CDH12: variants seen among roughly 807,000 people sequenced by gnomAD.
CDH12 encodes cadherin 12, also known as cadherin-12.
Under a neutral mutation model 74.1 loss-of-function variants are expected in CDH12, and 41 were observed. That is an observed-to-expected ratio of 0.55 (90% confidence interval 0.43 to 0.72). The LOEUF (loss-of-function observed/expected upper bound fraction) is 0.72. Among genes scored for constraint, CDH12 ranks in the 30% least tolerant of loss-of-function variants. CDH12 has a pLI of 0.00. For missense variants in CDH12, 945 were observed against 977.2 expected (o/e 0.97, Z 0.44); for synonymous variants, 399 against 355.0 (o/e 1.12, Z -1.39).
At chr5:22,002,138 TCTATA>T (rs1438824106) in intron 5 of CDH12, among the ~76,000 whole-genome samples, 3 of 152,180 alleles carry the variant, frequency 2.0e-5, no homozygotes, top group African/African-American at 4.8e-5. Flanking sequence ...TTTAGTTTGC[TCTATA>T]CTAGTCAGTA....
chr5:22,694,504 T>G (rs78317201), intron 1 of CDH12, among the ~76,000 whole-genome samples: 4,919 of 152,230 alleles, frequency 0.032, 267 homozygotes, highest in East Asian at 0.15. Context: ...AATACTCTAT[T>G]GTTTTTCTAT....
chr5:21,809,724 A>G (rs1747643138), intron 9 of CDH12, among the ~76,000 whole-genome samples: 1 of 152,168 alleles, frequency 6.6e-6, no homozygotes, highest in African/African-American at 2.4e-5. Flanking sequence ...GTCGACAACA[A>G]TTTTAAACAT....
At chr5:22,653,916 A>AATAT (rs1473378828) in intron 1 of CDH12, among the ~76,000 whole-genome samples, 1 of 152,190 alleles carries the variant, frequency 6.6e-6, no homozygotes, top group Non-Finnish European at 1.5e-5. Flanking sequence ...TCATCTACTA[A>AATAT]ATACATACAT....
chr5:22,447,135 ATTC>A (rs2126553727), intron 2 of CDH12, among the ~76,000 whole-genome samples: 1 of 152,266 alleles, frequency 6.6e-6, no homozygotes, highest in Admixed American at 6.5e-5. Flanking sequence ...AAGATGAGTC[ATTC>A]TTCTTGTATA....
chr5:22,835,304 C>T (rs965594157), intron 1 of CDH12, among the ~76,000 whole-genome samples: 1 of 152,056 alleles, frequency 6.6e-6, no homozygotes. Flanking sequence ...AAATGAAAAA[C>T]AGTCACATTA....
At chr5:21,944,574 A>G (rs1243560559) in intron 6 of CDH12, among the ~76,000 whole-genome samples, 1 of 152,146 alleles carries the variant, frequency 6.6e-6, no homozygotes, top group Non-Finnish European at 1.5e-5. Context: ...TGTGGTGATT[A>G]ATTGGTGTGG....
chr5:22,072,838 C>T (rs1004904819), intron 5 of CDH12, among the ~76,000 whole-genome samples: 6 of 151,876 alleles, frequency 4.0e-5, no homozygotes, highest in South Asian at 2.1e-4. Context: ...TGATTGTTAG[C>T]ACTTAAGAGC....
At chr5:22,122,672 G>A (rs1745595253) in intron 4 of CDH12, among the ~76,000 whole-genome samples, 1 of 152,200 alleles carries the variant, frequency 6.6e-6, no homozygotes, top group Admixed American at 6.5e-5. Context: ...GGTATTTGTG[G>A]ATGAGATTAA....
chr5:22,077,356 G>T (rs2150224151), intron 5 of CDH12, among the ~76,000 whole-genome samples: 1 of 152,118 alleles, frequency 6.6e-6, no homozygotes, highest in South Asian at 2.1e-4. Context: ...GATCTTAAAT[G>T]AATATTCCTC....
intron 3 of CDH12, among the ~76,000 whole-genome samples, chr5:22,288,759 A>T (rs770457526): frequency 6.6e-6 from 1 of 152,224 alleles, no homozygotes; most frequent in Non-Finnish European, 1.5e-5. Context: ...CCTGAAAGAA[A>T]TTAAACAAGT....
intron 3 of CDH12, among the ~76,000 whole-genome samples, chr5:22,283,275 C>CAT (rs1256456723): frequency 3.7e-5 from 5 of 133,700 alleles, no homozygotes; most frequent in Non-Finnish European, 7.6e-5. Flanking sequence ...CACACACACA[C>CAT]ATATACACAC....
intron 1 of CDH12, among the ~76,000 whole-genome samples, chr5:22,548,769 G>T (rs1738439815): frequency 1.3e-5 from 2 of 151,880 alleles, no homozygotes; most frequent in South Asian, 2.1e-4. Flanking sequence ...ATCTTAGAAG[G>T]TTGCCAGTGG....
intron 6 of CDH12, among the ~76,000 whole-genome samples, chr5:21,940,257 T>C (rs1327662378): frequency 6.6e-6 from 1 of 151,972 alleles, no homozygotes; most frequent in Non-Finnish European, 1.5e-5. Flanking sequence ...GAAATAAATA[T>C]GATGATATGA....
rs138136338 is a variant in CDH12, at chr5:22,232,935, C to T, written c.-332-20292G>A. Among the ~76,000 whole-genome samples the T allele has an allele frequency of 7.3e-3, 1,066 of 146,732 alleles. 7 individuals carry two copies. Among genetic ancestry groups the T allele is most frequent in the Middle Eastern group, 0.015 (4 of 272 alleles). On this transcript the variant is annotated intron_variant, in intron 3 of 14. Coordinates refer to ENST00000382254, the MANE Select transcript of CDH12 (RefSeq NM_004061.5). The stretch of plus-strand genomic sequence containing the variant: ...TCTCTCTCATTGGATTGCTTTTGTG[C>T]CTTTGTAGAGAATCGAATAACCATA...
At chr5:21,878,760 A>AAAAG in intron 6 of CDH12, among the ~76,000 whole-genome samples, 1 of 143,602 alleles carries the variant, frequency 7.0e-6, no homozygotes, top group South Asian at 2.3e-4. Flanking sequence ...TTGAAAGAAG[A>AAAAG]AAAGAAAGAA....
chr5:22,828,092 A>G (rs984113546), intron 1 of CDH12, among the ~76,000 whole-genome samples: 2 of 152,198 alleles, frequency 1.3e-5, no homozygotes, highest in Non-Finnish European at 2.9e-5. Context: ...TGGGATCCAG[A>G]GGCAGAAATA....
At chr5:22,665,223 G>A (rs1351326679) in intron 1 of CDH12, among the ~76,000 whole-genome samples, 2 of 152,086 alleles carry the variant, frequency 1.3e-5, no homozygotes, top group Non-Finnish European at 2.9e-5. Flanking sequence ...TCTTCTACCA[G>A]CACAGCTCCT....
chr5:22,747,320 TC>T (rs914678626), intron 1 of CDH12, among the ~76,000 whole-genome samples: 3 of 152,042 alleles, frequency 2.0e-5, no homozygotes, highest in Non-Finnish European at 4.4e-5. Context: ...TTGGTATGTT[TC>T]CCCATTTATA....
chr5:21,977,531 G>A (rs748934626), intron 5 of CDH12, among the ~76,000 whole-genome samples: 3 of 152,060 alleles, frequency 2.0e-5, no homozygotes, highest in Non-Finnish European at 4.4e-5. Flanking sequence ...GGAACTGAGT[G>A]AAAATTCAGA....
Sources: gnomAD v4.1 joint callset for allele counts (sites outside exome capture counted in the v4.1 genomes callset) on GRCh38, gnomAD v4.1.1 for gene constraint, MANE v1.5 for transcripts, NCBI Gene and HGNC (gene_info 2026-07-23, HGNC 2026-07-21) for gene names.